The following GRIA4 variants were observed in gnomAD, a reference collection of about 807,000 sequenced individuals.
The protein encoded by GRIA4 is glutamate receptor 4.
Under a neutral mutation model 104.0 loss-of-function variants are expected in GRIA4, and 34 were observed. That is an observed-to-expected ratio of 0.33 (90% CI 0.25 to 0.44). The LOEUF (loss-of-function observed/expected upper bound fraction) is 0.44, where lower values mean the gene tolerates loss of function less well. Ranked by LOEUF, GRIA4 falls within the 20% of genes least tolerant of loss-of-function variation. The pLI, the probability that GRIA4 is intolerant of heterozygous loss-of-function variation, is 1.00. For synonymous variants in GRIA4, 386 were observed against 381.9 expected (o/e 1.01, Z -0.13); for missense variants, 750 against 1,096.5 (o/e 0.68, Z 4.46).
chr11:105,847,179 A>G (rs957101641), intron 4 of GRIA4, among the ~76,000 whole-genome samples: 3 of 152,196 alleles, frequency 2.0e-5, no homozygotes, highest in African/African-American at 7.2e-5. Context: ...ACCTCAGATC[A>G]TCAGGATCTT....
At chr11:105,687,734 C>G (rs2135484015) in intron 3 of GRIA4, among the ~76,000 whole-genome samples, 1 of 152,210 alleles carries the variant, frequency 6.6e-6, no homozygotes, top group South Asian at 2.1e-4. Flanking sequence ...ATGCGGGGCT[C>G]TTAGTATTGA....
At chr11:105,939,278 G>A (rs939208656) in intron 14 of GRIA4, among the ~76,000 whole-genome samples, 2 of 152,074 alleles carry the variant, frequency 1.3e-5, no homozygotes, top group Non-Finnish European at 2.9e-5. Context: ...TATATTCAAG[G>A]GTTAGCCTTT....
intron 4 of GRIA4, among the ~76,000 whole-genome samples, chr11:105,771,624 T>C (rs1269034794): frequency 1.3e-5 from 2 of 152,074 alleles, no homozygotes; most frequent in East Asian, 1.9e-4. Flanking sequence ...TTAGAAACTA[T>C]GCACTGAAGT....
intron 10 of GRIA4, among the ~76,000 whole-genome samples, chr11:105,916,805 G>A (rs1947419587): frequency 6.6e-6 from 1 of 152,068 alleles, no homozygotes; most frequent in Non-Finnish European, 1.5e-5. Context: ...ACCAAATGGA[G>A]CCTTTGCTAT....
At chr11:105,639,492 G>A (rs904603529) in intron 3 of GRIA4, among the ~76,000 whole-genome samples, 2 of 151,868 alleles carry the variant, frequency 1.3e-5, no homozygotes, top group South Asian at 4.2e-4. Context: ...TTTGAAAATA[G>A]AAATAATATT....
intron 3 of GRIA4, among the ~76,000 whole-genome samples, chr11:105,741,641 T>C (rs1260353631): frequency 6.6e-6 from 1 of 152,144 alleles, no homozygotes; most frequent in Non-Finnish European, 1.5e-5. Context: ...CTCATAATTA[T>C]TCCCTTTGGT....
intron 3 of GRIA4, among the ~76,000 whole-genome samples, chr11:105,651,352 C>T (rs1044459305): frequency 8.3e-6 from 1 of 120,752 alleles, no homozygotes; most frequent in Non-Finnish European, 1.9e-5. Context: ...ATCTGTGATT[C>T]CCAAACCTGC....
At chr11:105,717,557 T>G (rs1954136144) in intron 3 of GRIA4, among the ~76,000 whole-genome samples, 1 of 151,986 alleles carries the variant, frequency 6.6e-6, no homozygotes, top group Admixed American at 6.6e-5. Flanking sequence ...AAGGGAGGAA[T>G]AGTCATTCCA....
chr11:105,962,782 G>T (rs1948774111), intron 14 of GRIA4, among the ~76,000 whole-genome samples: 2 of 152,096 alleles, frequency 1.3e-5, no homozygotes, highest in East Asian at 1.9e-4. Context: ...AAAAAATGTG[G>T]TCCCTTATTG....
At chr11:105,867,432 G>A (rs937295481) in intron 5 of GRIA4, among the ~76,000 whole-genome samples, 31 of 152,264 alleles carry the variant, frequency 2.0e-4, no homozygotes, top group African/African-American at 7.5e-4. Context: ...CTTAGTAAAA[G>A]CCTATTTATC....
In GRIA4 at chr11:105,981,553, T is replaced by TCACACACACACACACACACACA. The variant is rs112786972; in HGVS notation, c.*1831_*1852dup. The TCACACACACACACACACACACA allele has an allele frequency of 2.3e-4, 31 of 134,082 alleles. No homozygotes were observed. Among genetic ancestry groups the TCACACACACACACACACACACA allele is most frequent in the South Asian group, 7.8e-4 (3 of 3,856 alleles). 8.3% of individuals were successfully genotyped at this position (134,082 alleles called of 1,614,324 possible). A position where few individuals can be genotyped will look rare whatever the true frequency, so the allele number is the denominator to read the frequency against. ...TAAGAGCAATCTTAAACAGTATAAA[T>TCACACACACACACACACACACA]CACACACACACACACACACACACAC... On this transcript the variant is annotated 3_prime_UTR_variant, in exon 17 of 17. Coordinates refer to ENST00000282499, the MANE Select transcript of GRIA4 (RefSeq NM_000829.4).
chr11:105,654,015 A>G (rs1274051772), intron 3 of GRIA4, among the ~76,000 whole-genome samples: 2 of 149,042 alleles, frequency 1.3e-5, no homozygotes, highest in African/African-American at 2.5e-5. Flanking sequence ...AAAAAAAAAA[A>G]AAAAAAAAAA....
At chr11:105,678,024 C>T (rs1292398126) in intron 3 of GRIA4, among the ~76,000 whole-genome samples, 2 of 151,982 alleles carry the variant, frequency 1.3e-5, no homozygotes, top group Non-Finnish European at 2.9e-5. Context: ...TAAGGCTTCA[C>T]ATAGTTCCTT....
intron 3 of GRIA4, among the ~76,000 whole-genome samples, chr11:105,629,369 A>G (rs1032318592): frequency 6.6e-6 from 1 of 152,106 alleles, no homozygotes; most frequent in African/African-American, 2.4e-5. Context: ...GCAATGGGCT[A>G]TTAGGCAGAA....
rs528181249 is a variant in GRIA4 at position 105,947,810 on chromosome 11, G to T, written c.2294+13841G>T. The stretch of plus-strand genomic sequence containing the variant: ...ACTATTTTAAGAATTTAAATTTTTT[G>T]TCACTTTTTAAAATTTGAATTGTTT... On this transcript the variant is annotated intron_variant, in intron 14 of 16. Transcript: ENST00000282499. Among the ~76,000 whole-genome samples, 3 of 152,196 alleles carry T rather than the reference G, an allele frequency of 2.0e-5. No individual in the cohort carries two copies. The South Asian group carries it at 6.2e-4, about 32-fold the overall frequency.
intron 4 of GRIA4, among the ~76,000 whole-genome samples, chr11:105,778,550 C>T (rs189309315): frequency 1.2e-3 from 177 of 152,182 alleles, no homozygotes; most frequent in African/African-American, 3.8e-3. Flanking sequence ...ATTAAAAATA[C>T]GAAAATTAGC....
chr11:105,934,600 A>G, intron 14 of GRIA4, among the ~76,000 whole-genome samples: 1 of 152,148 alleles, frequency 6.6e-6, no homozygotes, highest in East Asian at 1.9e-4. Flanking sequence ...AAGATCTGTA[A>G]AATTAGACCC....
At chr11:105,865,452 T>C (rs1945371433) in intron 5 of GRIA4, among the ~76,000 whole-genome samples, 1 of 152,206 alleles carries the variant, frequency 6.6e-6, no homozygotes, top group Admixed American at 6.5e-5. Context: ...TTTTATAGAA[T>C]ATTTTTACTT....
intron 3 of GRIA4, among the ~76,000 whole-genome samples, chr11:105,635,477 C>T (rs1420829728): frequency 6.6e-6 from 1 of 151,928 alleles, no homozygotes; most frequent in African/African-American, 2.4e-5. Context: ...GGAGAAGTGG[C>T]CAAATAAAAT....
Sources: gnomAD v4.1 joint callset for allele counts (sites outside exome capture counted in the v4.1 genomes callset) on GRCh38, gnomAD v4.1.1 for gene constraint, MANE v1.5 for transcripts, NCBI Gene and HGNC (gene_info 2026-07-23, HGNC 2026-07-21) for gene names.